Variants in PLA2G4A observed in about 807,000 individuals in gnomAD.
PLA2G4A encodes phospholipase A2 group IVA.
Under a neutral mutation model 81.9 loss-of-function variants are expected in PLA2G4A, and 40 were observed. The observed-to-expected ratio is 0.49, with a 90% CI of 0.38 to 0.64. The LOEUF is 0.64. Ranked by LOEUF, PLA2G4A falls within the 30% of genes least tolerant of loss-of-function variation. The pLI is 0.00. For missense variants in PLA2G4A, 715 were observed against 905.1 expected (o/e 0.79, Z 2.69); for synonymous variants, 302 against 296.9 (o/e 1.02, Z -0.18).
At chr1:186,896,015 A>G (rs542207730) in intron 5 of PLA2G4A, among the ~76,000 whole-genome samples, 1 of 151,408 alleles carries the variant, frequency 6.6e-6, no homozygotes, top group African/African-American at 2.4e-5. Flanking sequence ...TGTATATTAC[A>G]TATGAATACA....
rs146727299 is a variant in PLA2G4A at position 186,847,987 on chromosome 1, C to T, written c.-69-6299C>T. On this transcript the variant is annotated intron_variant, in intron 1 of 17. Coordinates refer to ENST00000367466, the MANE Select transcript of PLA2G4A (RefSeq NM_024420.3). Reference sequence around the variant, plus strand: ...AAAGAAAACATGTATGAGTATTGTCCATGGACTAAAGAGAACCCTGGGAAG... The same window carrying T: ...AAAGAAAACATGTATGAGTATTGTCTATGGACTAAAGAGAACCCTGGGAAG... Among the ~76,000 whole-genome samples the T allele has an allele frequency of 2.6e-3, 396 of 152,236 alleles. 3 individuals are homozygous for T. Among genetic ancestry groups the T allele is most frequent in the African/African-American group, 9.1e-3 (380 of 41,538 alleles).
At chr1:186,978,805 A>G (rs1394761226) in intron 16 of PLA2G4A, among the ~76,000 whole-genome samples, 1 of 152,170 alleles carries the variant, frequency 6.6e-6, no homozygotes, top group Non-Finnish European at 1.5e-5. Flanking sequence ...ACTCTAGTTT[A>G]TTAGTAAGGA....
intron 1 of PLA2G4A, among the ~76,000 whole-genome samples, chr1:186,844,349 C>G (rs1487952231): frequency 6.6e-6 from 1 of 152,130 alleles, no homozygotes; most frequent in African/African-American, 2.4e-5. Flanking sequence ...CACTTAAAAG[C>G]TTAAAACTTT....
At chr1:186,968,073 T>C (rs2102280341) in intron 15 of PLA2G4A, among the ~76,000 whole-genome samples, 1 of 152,202 alleles carries the variant, frequency 6.6e-6, no homozygotes, top group East Asian at 1.9e-4. Context: ...TGGATGACTC[T>C]AAGATGATAG....
At chr1:186,884,177 C>T (rs990313406) in intron 3 of PLA2G4A, among the ~76,000 whole-genome samples, 4 of 149,984 alleles carry the variant, frequency 2.7e-5, no homozygotes, top group Admixed American at 2.0e-4. Flanking sequence ...AATATGAATA[C>T]ATTATTAAAT....
chr1:186,934,298 G>T (rs1655853079), intron 8 of PLA2G4A, among the ~76,000 whole-genome samples: 1 of 151,852 alleles, frequency 6.6e-6, no homozygotes, highest in Admixed American at 6.6e-5. Context: ...TTCGAGTGCT[G>T]ATTTGGGGAT....
chr1:186,858,268 G>T (rs1419581143), intron 2 of PLA2G4A, among the ~76,000 whole-genome samples: 1 of 152,098 alleles, frequency 6.6e-6, no homozygotes, highest in Non-Finnish European at 1.5e-5. Flanking sequence ...TCCAGAATCT[G>T]TTGTTTCCTG....
chr1:186,890,460 G>A (rs559136074), intron 3 of PLA2G4A, among the ~76,000 whole-genome samples: 3 of 152,278 alleles, frequency 2.0e-5, no homozygotes, highest in Admixed American at 2.0e-4. Flanking sequence ...ATATGTAATG[G>A]GAGGAAATTA....
chr1:186,937,483 C>G (rs951151915), intron 8 of PLA2G4A, among the ~76,000 whole-genome samples: 8 of 151,896 alleles, frequency 5.3e-5, no homozygotes, highest in Non-Finnish European at 1.2e-4. Flanking sequence ...TTGAGTTGAG[C>G]AAGTCTATTT....
At chr1:186,983,913 T>C (rs1657810042) in intron 17 of PLA2G4A, among the ~76,000 whole-genome samples, 1 of 152,178 alleles carries the variant, frequency 6.6e-6, no homozygotes. Flanking sequence ...GTATATATCA[T>C]GTAGGATCAG....
At chr1:186,902,940 A>G (rs1480696841) in intron 5 of PLA2G4A, among the ~76,000 whole-genome samples, 1 of 152,014 alleles carries the variant, frequency 6.6e-6, no homozygotes, top group African/African-American at 2.4e-5. Flanking sequence ...TGTCTTATTC[A>G]ACTTTTAAAC....
chr1:186,868,929 T>A (rs1420786168), intron 2 of PLA2G4A, among the ~76,000 whole-genome samples: 8 of 151,926 alleles, frequency 5.3e-5, no homozygotes, highest in African/African-American at 1.9e-4. Flanking sequence ...ATCCTTTTTT[T>A]TTTTTTTCTT....
At chr1:186,852,071 T>C (rs1652393316) in intron 1 of PLA2G4A, among the ~76,000 whole-genome samples, 1 of 151,944 alleles carries the variant, frequency 6.6e-6, no homozygotes, top group South Asian at 2.1e-4. Flanking sequence ...CTTACCTGTA[T>C]ATATATATCC....
At chr1:186,962,571 C>G (rs1028324444) in intron 14 of PLA2G4A, among the ~76,000 whole-genome samples, 4 of 151,524 alleles carry the variant, frequency 2.6e-5, no homozygotes, top group Non-Finnish European at 2.9e-5. Flanking sequence ...GCCCAGGCTG[C>G]AGTGCAGCGG....
At chr1:186,940,746 A>C (rs1041137230) in intron 10 of PLA2G4A, among the ~76,000 whole-genome samples, 8 of 152,162 alleles carry the variant, frequency 5.3e-5, no homozygotes, top group African/African-American at 1.9e-4. Context: ...ACAACGTTAC[A>C]TTTTCTGGAA....
chr1:186,926,606 C>T (rs1465808689), intron 7 of PLA2G4A, among the ~76,000 whole-genome samples: 2 of 152,180 alleles, frequency 1.3e-5, no homozygotes, highest in African/African-American at 4.8e-5. Flanking sequence ...GAAGAGTGGG[C>T]TGTTGTGGCA....
At chr1:186,869,237 A>G (rs529902170) in intron 2 of PLA2G4A, among the ~76,000 whole-genome samples, 1 of 152,230 alleles carries the variant, frequency 6.6e-6, no homozygotes, top group East Asian at 1.9e-4. Context: ...TGTCAATTTC[A>G]TTTAGTTTCA....
At chr1:186,944,038 G>C (rs1327025799) in intron 10 of PLA2G4A, among the ~76,000 whole-genome samples, 1 of 152,156 alleles carries the variant, frequency 6.6e-6, no homozygotes, top group Non-Finnish European at 1.5e-5. Context: ...GAAAAGAATA[G>C]ATGGATATGA....
intron 3 of PLA2G4A, among the ~76,000 whole-genome samples, chr1:186,877,385 A>T (rs906382431): frequency 2.6e-5 from 4 of 152,010 alleles, no homozygotes; most frequent in Non-Finnish European, 5.9e-5. Context: ...AAAGACATCT[A>T]TTTCTTCAAC....
Sources: gnomAD v4.1 joint callset for allele counts (sites outside exome capture counted in the v4.1 genomes callset) on GRCh38, gnomAD v4.1.1 for gene constraint, MANE v1.5 for transcripts, NCBI Gene and HGNC (gene_info 2026-07-23, HGNC 2026-07-21) for gene names.